Variants in PARD6G observed in about 807,000 individuals in gnomAD.
PARD6G encodes partitioning defective 6 homolog gamma.
In PARD6G, 7 loss-of-function variants were observed where a neutral mutation model predicts 10.7. The observed-to-expected ratio is 0.66, with a 90% CI of 0.37 to 1.23. PARD6G has a LOEUF of 1.23. PARD6G is among the 50% of genes most tolerant of loss of function. The pLI is 0.02. For synonymous variants in PARD6G, 287 were observed against 269.4 expected, an observed-to-expected ratio of 1.07 and a Z score of -0.64; for missense variants, 548 against 571.8, an observed-to-expected ratio of 0.96 and a Z score of 0.42.
chr18:80,170,945 C>T (rs989628184), intron 2 of PARD6G: 1 of 152,030 alleles, frequency 6.6e-6, no homozygotes, highest in Non-Finnish European at 1.5e-5. Flanking sequence ...ATTCCTGGCC[C>T]TGACCCAGGA....
At chr18:80,169,474 C>CT (rs2052760078) in intron 2 of PARD6G, 1 of 152,544 alleles carries the variant, frequency 6.6e-6, no homozygotes, top group Non-Finnish European at 1.5e-5. Context: ...CAGACACCCC[C>CT]TCAGCGGCCC....
intron 1 of PARD6G, among the ~76,000 whole-genome samples, chr18:80,215,296 T>C (rs543647430): frequency 6.6e-6 from 1 of 152,244 alleles, no homozygotes; most frequent in African/African-American, 2.4e-5. Flanking sequence ...ACACATAACT[T>C]GAATCTACAA....
chr18:80,172,676 T>C (rs988726495), intron 2 of PARD6G, among the ~76,000 whole-genome samples: 1 of 152,198 alleles, frequency 6.6e-6, no homozygotes, highest in Non-Finnish European at 1.5e-5. Flanking sequence ...TGCACCACCA[T>C]GCCCAGCTGG....
At chr18:80,240,035 T>G (rs1967472752) in intron 1 of PARD6G, among the ~76,000 whole-genome samples, 1 of 152,098 alleles carries the variant, frequency 6.6e-6, no homozygotes, top group African/African-American at 2.4e-5. Context: ...AGGCTCTTGT[T>G]AACAACCAGC....
chr18:80,202,136 G>A (rs1967013427), intron 2 of PARD6G: 1 of 151,530 alleles, frequency 6.6e-6, no homozygotes, highest in African/African-American at 2.4e-5. Context: ...AAACAACAAG[G>A]TTCTCCGAAG....
intron 2 of PARD6G, among the ~76,000 whole-genome samples, chr18:80,166,225 T>C (rs1345058231): frequency 1.3e-5 from 2 of 151,954 alleles, no homozygotes; most frequent in Admixed American, 6.6e-5. Context: ...CCTCAGCTCA[T>C]GGACACCGTA....
At chr18:80,168,755 T>G (rs1403611175) in intron 2 of PARD6G, 1 of 168,634 alleles carries the variant, frequency 5.9e-6, no homozygotes, top group East Asian at 1.9e-4. Flanking sequence ...GGATTACAGA[T>G]GTGAACCACC....
chr18:80,226,935 T>C (rs1967299115), intron 1 of PARD6G, among the ~76,000 whole-genome samples: 1 of 152,222 alleles, frequency 6.6e-6, no homozygotes. Flanking sequence ...CTTCACTGAA[T>C]TAATGAATTA....
intron 1 of PARD6G, among the ~76,000 whole-genome samples, chr18:80,211,961 T>C (rs1967113266): frequency 6.6e-6 from 1 of 152,086 alleles, no homozygotes. Context: ...TGAAAAGAGT[T>C]CTGGAAATGG....
rs884779 is a variant in PARD6G at position 80,181,018 on chromosome 18, G to A, written c.296-20412C>T. On this transcript the variant is annotated intron_variant, in intron 2 of 2. Coordinates refer to ENST00000353265, the MANE Select transcript of PARD6G (RefSeq NM_032510.4). The surrounding 1 kb of genome is among the most constrained non-coding windows in gnomAD (Gnocchi z 7.9). The stretch of plus-strand genomic sequence containing the variant: ...CCGGCCTCACACGCACGTTTCCAGC[G>A]GGCTGGAAGGCGGCTCCTACAGTCA... 0.2 allele frequency among the ~76,000 whole-genome samples: 30,119 copies of A among 152,144 alleles called. 3,745 individuals are homozygous for A. Among genetic ancestry groups the A allele is most frequent in the African/African-American group, 0.35 (14,493 of 41,488 alleles).
Position 80,180,614 on chromosome 18 carries a change from A to G in PARD6G, c.296-20008T>C, listed in dbSNP as rs953203298. On this transcript the variant is annotated intron_variant, in intron 2 of 2. Transcript: ENST00000353265. The surrounding 1 kb of genome is among the most constrained non-coding windows in gnomAD (Gnocchi z 5.6). ...AGCTTAACTGTCTCTATGGCACCGC[A>G]AATGGCAGGGCTGCTCCCCACTCCC... Among the ~76,000 whole-genome samples the G allele has an allele frequency of 6.6e-6, 1 of 152,122 alleles. No individual in the cohort carries two copies. The highest frequency in any genetic ancestry group is 1.5e-5 in the Non-Finnish European group (1 of 68,018).
At chr18:80,239,155 G>A (rs1209987911) in intron 1 of PARD6G, among the ~76,000 whole-genome samples, 1 of 152,084 alleles carries the variant, frequency 6.6e-6, no homozygotes, top group Non-Finnish European at 1.5e-5. Context: ...GAGAGGTGGG[G>A]CAGGGGCCAG....
At chr18:80,224,628 A>C (rs994662635) in intron 1 of PARD6G, among the ~76,000 whole-genome samples, 2 of 152,232 alleles carry the variant, frequency 1.3e-5, no homozygotes, top group African/African-American at 4.8e-5. Context: ...CGGGCGGATC[A>C]CGAGGTCAGC....
At position 80,165,688 on chromosome 18, in the gene PARD6G, C is replaced by T. The variant is rs376578822; in HGVS notation, c.296-5082G>A. Among the ~76,000 whole-genome samples, 297 of 152,294 alleles carry T rather than the reference C, an allele frequency of 2.0e-3. 1 individual carries two copies. Among genetic ancestry groups the T allele is most frequent in the Middle Eastern group, 6.8e-3 (2 of 294 alleles). ...CCTCCATTCAGGGTCCCTGACTTCC[C>T]GCAATGGATATGTCTTTGCCTCTAA... On this transcript the variant is annotated intron_variant, in intron 2 of 2. Coordinates refer to ENST00000353265, the MANE Select transcript of PARD6G (RefSeq NM_032510.4).
chr18:80,224,842 G>A (rs1489464724), intron 1 of PARD6G, among the ~76,000 whole-genome samples: 3 of 144,198 alleles, frequency 2.1e-5, no homozygotes, highest in Admixed American at 7.4e-5. Context: ...GTGAGACTCC[G>A]TTTCAAAAAA....
chr18:80,226,157 T>G (rs1967286766), intron 1 of PARD6G, among the ~76,000 whole-genome samples: 2 of 17,844 alleles, frequency 1.1e-4, no homozygotes, highest in Admixed American at 6.4e-4. Flanking sequence ...TTCAGTTTTT[T>G]TTTTTTTTTT....
intron 2 of PARD6G, among the ~76,000 whole-genome samples, chr18:80,186,956 G>A (rs1458829682): frequency 1.4e-4 from 21 of 152,194 alleles, no homozygotes; most frequent in Admixed American, 4.6e-4. Flanking sequence ...GAAATTAGCC[G>A]GGCGTGGTGG....
intron 1 of PARD6G, among the ~76,000 whole-genome samples, chr18:80,221,644 A>G (rs1472749123): frequency 6.6e-6 from 1 of 152,230 alleles, no homozygotes; most frequent in Non-Finnish European, 1.5e-5. Flanking sequence ...ATCAACAACA[A>G]AACAAGAATG....
At position 80,247,315 on chromosome 18, in the gene PARD6G, G is replaced by C. The variant is rs1452783575; in HGVS notation, c.34C>G (p.Arg12Gly). ...NRSFHKSQTL[R>G]FYDCSAVEVK... ...TCCACTGCGCTGCAATCGTAGAATC[G>C]CAAGGTCTGAGACTTGTGAAAACTT... The change falls in exon 1 of 3, where the codon CGA becomes GGA. Residue 12 changes from arginine (R) to glycine (G), a missense_variant. Transcript: ENST00000353265. The surrounding 1 kb of genome is among the most constrained non-coding windows in gnomAD (Gnocchi z 4.2). 3.8e-6 allele frequency: 6 copies of C among 1,584,968 alleles called. No individual in the cohort carries two copies. The highest frequency in any genetic ancestry group is 5.1e-6 in the Non-Finnish European group (6 of 1,166,528).
Sources: gnomAD v4.1 joint callset for allele counts (sites outside exome capture counted in the v4.1 genomes callset) on GRCh38, gnomAD v4.1.1 for gene constraint, Gnocchi (gnomAD v3.1) non-coding constraint, MANE v1.5 for transcripts, NCBI Gene and HGNC (gene_info 2026-07-23, HGNC 2026-07-21) for gene names.